EPB41L5: variants seen among roughly 807,000 people sequenced by gnomAD.
The protein encoded by EPB41L5 is band 4.1-like protein 5.
In EPB41L5, 55 loss-of-function variants were observed where a neutral mutation model predicts 106.6. The ratio of observed to expected loss-of-function variants is 0.52; its 90% CI spans 0.42 to 0.65. EPB41L5 has a LOEUF of 0.65. EPB41L5 is among the 30% of genes least tolerant of loss of function. The pLI is 0.00. For synonymous variants in EPB41L5, 297 were observed against 306.7 expected, an observed-to-expected ratio of 0.97 and a Z score of 0.33; for missense variants, 871 against 882.1, an observed-to-expected ratio of 0.99 and a Z score of 0.16.
intron 2 of EPB41L5, among the ~76,000 whole-genome samples, chr2:120,026,309 A>G (rs187183782): frequency 3.2e-4 from 49 of 152,348 alleles, no homozygotes; most frequent in African/African-American, 1.1e-3. Flanking sequence ...CACCTCAAAC[A>G]TTTAGGAGTA....
intron 20 of EPB41L5, among the ~76,000 whole-genome samples, chr2:120,154,261 C>T (rs1339436611): frequency 2.0e-5 from 3 of 151,942 alleles, no homozygotes; most frequent in African/African-American, 4.8e-5. Context: ...CGGGTTCAAG[C>T]GATTCTCCTG....
chr2:120,146,476 C>T (rs1686409932), intron 20 of EPB41L5, among the ~76,000 whole-genome samples, 187 bp downstream of exon 20: 1 of 152,186 alleles, frequency 6.6e-6, no homozygotes, highest in Non-Finnish European at 1.5e-5. Context: ...CCTAATTAGT[C>T]TCCCAACATT....
intron 20 of EPB41L5, among the ~76,000 whole-genome samples, chr2:120,148,812 G>C (rs57881950): frequency 6.6e-6 from 1 of 152,202 alleles, no homozygotes; most frequent in South Asian, 2.1e-4. Context: ...AAAGCTAGAC[G>C]TGAATATTTG....
chr2:120,127,493 A>G (rs1685509422), intron 16 of EPB41L5, among the ~76,000 whole-genome samples, 195 bp from the exon 17 acceptor site: 1 of 152,204 alleles, frequency 6.6e-6, no homozygotes, highest in East Asian at 1.9e-4. Context: ...AACCTAATAC[A>G]ATATAAATGC....
intron 12 of EPB41L5, among the ~76,000 whole-genome samples, 168 bp from the exon 13 acceptor site, chr2:120,091,387 G>A (rs568302133): frequency 1.2e-4 from 18 of 152,242 alleles, no homozygotes; most frequent in East Asian, 1.2e-3. Flanking sequence ...CACAAAAGCC[G>A]AAAGAATGAT....
chr2:120,140,695 C>T (rs1042825403), intron 18 of EPB41L5, among the ~76,000 whole-genome samples: 1 of 151,988 alleles, frequency 6.6e-6, no homozygotes, highest in African/African-American at 2.4e-5. Flanking sequence ...GTGTATAATG[C>T]ATATATCCCA....
At chr2:120,100,955 A>T (rs749588657) in intron 16 of EPB41L5, 141 bp downstream of exon 16, 23 of 619,274 alleles carry the variant, frequency 3.7e-5, no homozygotes, top group Admixed American at 1.2e-4. Flanking sequence ...TTATTAAATA[A>T]TCATATTGAG....
At chr2:120,082,793 G>T (rs1025448144) in intron 10 of EPB41L5, among the ~76,000 whole-genome samples, 2 of 152,180 alleles carry the variant, frequency 1.3e-5, no homozygotes, top group African/African-American at 4.8e-5. Context: ...GCCTGTTATT[G>T]GTCTATTCAG....
rs147768814 is a variant in EPB41L5, at chr2:120,105,607, A to G, written c.1337+4793A>G. On this transcript the variant is annotated intron_variant, in intron 16 of 24. Transcript: ENST00000263713. Reference sequence around the variant, plus strand: ...AGGCAGGTTTCAATCTGAGTTTAGTATAATTATGTGTAAGAGGATGGCCAC... The same window carrying G: ...AGGCAGGTTTCAATCTGAGTTTAGTGTAATTATGTGTAAGAGGATGGCCAC... The G allele has an allele frequency of 1.0e-3, 991 of 985,358 alleles. 8 individuals carry two copies. The African/African-American group carries it at 0.016, about 16-fold the overall frequency. The allele number at this position is 985,358 out of a possible 1,614,324, so 61.0% of individuals were successfully genotyped here.
At chr2:120,081,324 T>TA (rs1217567166) in intron 10 of EPB41L5, among the ~76,000 whole-genome samples, 1 of 152,236 alleles carries the variant, frequency 6.6e-6, no homozygotes, top group African/African-American at 2.4e-5. Context: ...GCTTTCTACA[T>TA]ACGGCTAGCC....
chr2:120,022,266 C>T (rs367951837), intron 2 of EPB41L5, among the ~76,000 whole-genome samples: 21 of 152,138 alleles, frequency 1.4e-4, no homozygotes, highest in East Asian at 1.2e-3. Context: ...CACGTGCCAT[C>T]GTGGTTTGCT....
intron 2 of EPB41L5, among the ~76,000 whole-genome samples, chr2:120,040,280 C>T (rs766464943): frequency 7.9e-5 from 12 of 152,060 alleles, no homozygotes; most frequent in Non-Finnish European, 8.8e-5. Flanking sequence ...CACACTTGTA[C>T]ACAGTACAGT....
At chr2:120,167,430 C>T (rs1484089473) in intron 22 of EPB41L5, 36 bp from the exon 23 acceptor site, 2 of 1,577,868 alleles carry the variant, frequency 1.3e-6, no homozygotes, top group Admixed American at 3.4e-5. Context: ...GTCAGTCTTT[C>T]CAAAAAGTAA....
chr2:120,069,128 C>CAAAA (rs539813602), intron 3 of EPB41L5, among the ~76,000 whole-genome samples: 15 of 79,552 alleles, frequency 1.9e-4, no homozygotes, highest in South Asian at 9.8e-4. Flanking sequence ...AACTCTGTCT[C>CAAAA]AAAAAAAAAA....
At position 120,113,625 on chromosome 2, in the gene EPB41L5, T is replaced by A. The variant is rs564824951; in HGVS notation, c.1337+12811T>A. 2.5e-4 allele frequency among the ~76,000 whole-genome samples: 38 copies of A among 152,342 alleles called. No homozygotes were observed. In the South Asian group the frequency reaches 7.2e-3, roughly 29 times the overall value. ...ACCACTATTTAATTCCGTAACATTTTTATCCCCAAAAGAAACCTCTTTCCT... is the reference window on the plus strand; with the variant it reads ...ACCACTATTTAATTCCGTAACATTTATATCCCCAAAAGAAACCTCTTTCCT... On this transcript the variant is annotated intron_variant, in intron 16 of 24. Coordinates refer to ENST00000263713, the MANE Select transcript of EPB41L5 (RefSeq NM_020909.4).
At chr2:120,048,574 A>G (rs1679991178) in intron 3 of EPB41L5, among the ~76,000 whole-genome samples, 1 of 150,420 alleles carries the variant, frequency 6.6e-6, no homozygotes, top group Non-Finnish European at 1.5e-5. Context: ...CGGTCTGTCA[A>G]TTTTGTTGAT....
rs1425521193 is a variant in EPB41L5, at chr2:120,178,241, C to T, written c.*3334C>T. ...CAGAGTGGCTGCGTGAAACGGGAGG[C>T]TGGCAGGTCCTCAGATAGGTTCTGC... On this transcript the variant is annotated 3_prime_UTR_variant, in exon 25 of 25. Transcript: ENST00000263713. The T allele has an allele frequency of 1.3e-5, 2 of 152,370 alleles. No individual in the cohort carries two copies. The highest frequency in any genetic ancestry group is 2.9e-5 in the Non-Finnish European group (2 of 68,096). The allele number at this position is 152,370 out of a possible 1,614,324, so 9.4% of individuals were successfully genotyped here.
intron 14 of EPB41L5, among the ~76,000 whole-genome samples, chr2:120,095,913 G>A (rs1021613960): frequency 2.6e-5 from 4 of 151,990 alleles, no homozygotes; most frequent in Non-Finnish European, 5.9e-5. Context: ...CATGTGATCC[G>A]CCTGTCTCGG....
chr2:120,095,700 G>A (rs1340302868), intron 14 of EPB41L5, among the ~76,000 whole-genome samples: 1 of 151,712 alleles, frequency 6.6e-6, no homozygotes, highest in Non-Finnish European at 1.5e-5. Context: ...ACGGAGTCTT[G>A]CTCTATCGCT....
Sources: gnomAD v4.1 joint callset for allele counts (sites outside exome capture counted in the v4.1 genomes callset) on GRCh38, gnomAD v4.1.1 for gene constraint, MANE v1.5 for transcripts, NCBI Gene and HGNC (gene_info 2026-07-23, HGNC 2026-07-21) for gene names.